The following ATP2B4 variants were observed in gnomAD, a reference collection of about 807,000 sequenced individuals.
ATP2B4 encodes the protein ATPase plasma membrane Ca2+ transporting 4, also known as plasma membrane calcium-transporting ATPase 4.
In ATP2B4, 39 loss-of-function variants were observed where a neutral mutation model predicts 110.3. The ratio of observed to expected loss-of-function variants is 0.35; its 90% CI spans 0.27 to 0.46. The LOEUF (loss-of-function observed/expected upper bound fraction) is 0.46. Ranked by LOEUF, ATP2B4 falls within the 20% of genes least tolerant of loss-of-function variation. The pLI is 1.00. For missense variants in ATP2B4, 1,135 were observed against 1,530.9 expected, an observed-to-expected ratio of 0.74 and a Z score of 4.32; for synonymous variants, 538 against 571.7, an observed-to-expected ratio of 0.94 and a Z score of 0.84.
chr1:203,726,663 A>G (rs932136114), intron 19 of ATP2B4, among the ~76,000 whole-genome samples: 1 of 152,236 alleles, frequency 6.6e-6, no homozygotes, highest in East Asian at 1.9e-4. Flanking sequence ...TTGCCCATAC[A>G]GTCCCTCTTC....
chr1:203,732,749 A>T (rs1415845780), intron 20 of ATP2B4, among the ~76,000 whole-genome samples: 2 of 151,226 alleles, frequency 1.3e-5, no homozygotes, highest in East Asian at 3.9e-4. Context: ...CTGTAGGTGG[A>T]GGTTGCAGTG....
rs751817781 is a variant in ATP2B4, at chr1:203,739,597, C to A, written c.3361C>A (p.Pro1121Thr). Residue 1121 changes from proline (P) to threonine (T), a missense_variant, in exon 21 of 21, where the codon CCC (proline) becomes ACC (threonine). Around this residue, in one of 9 missense-constraint regions of ATP2B4, gnomAD observed 61 missense variants for 123.4 expected, o/e 0.49. Transcript: ENST00000357681. ...TTCCCTCCACGAAAGCATTCAGAAA[C>A]CCTACAACCAAAAGTCCATCCACAG... Reference protein sequence around the residue: ...HSSLHESIQKPYNQKSIHSFM... With the variant: ...HSSLHESIQKTYNQKSIHSFM... 1.9e-6 allele frequency: 3 copies of A among 1,614,134 alleles called. No individual in the cohort carries two copies. The East Asian group carries it at 6.7e-5, about 36-fold the overall frequency.
intron 14 of ATP2B4, 98 bp downstream of exon 14, chr1:203,713,350 T>C: frequency 7.3e-7 from 1 of 1,377,932 alleles, no homozygotes; most frequent in Non-Finnish European, 1.0e-6. Context: ...CCTGTCCAAA[T>C]AGGGAGGTCC....
At chr1:203,661,437 G>A (rs1227655826) in intron 1 of ATP2B4, among the ~76,000 whole-genome samples, 1 of 152,174 alleles carries the variant, frequency 6.6e-6, no homozygotes, top group Non-Finnish European at 1.5e-5. Context: ...TACTAATACA[G>A]AGTGATCAAA....
intron 1 of ATP2B4, among the ~76,000 whole-genome samples, chr1:203,667,653 A>G (rs530689958): frequency 6.6e-6 from 1 of 152,362 alleles, no homozygotes; most frequent in East Asian, 1.9e-4. Flanking sequence ...GCAGGAGCCC[A>G]GTGGAAGAAT....
intron 8 of ATP2B4, among the ~76,000 whole-genome samples, chr1:203,704,465 G>GTTT (rs1412958938): frequency 3.8e-5 from 4 of 104,488 alleles, no homozygotes; most frequent in African/African-American, 1.7e-4. Flanking sequence ...TCAAGGAACA[G>GTTT]TCTTTTTTTT....
chr1:203,724,516 CAAAAAGAAAAA>C (rs1361107389), intron 19 of ATP2B4, among the ~76,000 whole-genome samples: 1 of 139,006 alleles, frequency 7.2e-6, no homozygotes, highest in African/African-American at 2.7e-5. Context: ...GACTCAGTGT[CAAAAAGAAAAA>C]AAAAAGAAAA....
At chr1:203,672,315 G>A (rs1664689288) in intron 1 of ATP2B4, among the ~76,000 whole-genome samples, 1 of 126,384 alleles carries the variant, frequency 7.9e-6, no homozygotes, top group African/African-American at 3.0e-5. Flanking sequence ...TGAGTAAGTT[G>A]CGGTGGCTCT....
intron 1 of ATP2B4, among the ~76,000 whole-genome samples, chr1:203,671,969 AC>A (rs1473694884): frequency 6.6e-6 from 1 of 151,802 alleles, no homozygotes; most frequent in Non-Finnish European, 1.5e-5. Context: ...CTCCCACGAC[AC>A]CTGGTGAATC....
intron 1 of ATP2B4, among the ~76,000 whole-genome samples, chr1:203,661,077 T>C (rs1420201276): frequency 6.6e-6 from 1 of 151,464 alleles, no homozygotes; most frequent in Non-Finnish European, 1.5e-5. Context: ...GCCACTGCAC[T>C]CCAGCCAGAG....
intron 1 of ATP2B4, among the ~76,000 whole-genome samples, chr1:203,647,008 TC>T (rs1393918434): frequency 2.0e-5 from 3 of 152,078 alleles, no homozygotes; most frequent in Non-Finnish European, 4.4e-5. Context: ...AATTTTTTTT[TC>T]CTACCCAATA....
intron 1 of ATP2B4, among the ~76,000 whole-genome samples, chr1:203,665,732 G>A (rs6674735): frequency 0.047 from 7,000 of 149,490 alleles, 287 homozygotes; most frequent in East Asian, 0.18. Flanking sequence ...CCCGGGAGGC[G>A]GAGGTTGCAG....
At chr1:203,653,651 G>T (rs1664064410) in intron 1 of ATP2B4, among the ~76,000 whole-genome samples, 1 of 152,176 alleles carries the variant, frequency 6.6e-6, no homozygotes, top group South Asian at 2.1e-4. Context: ...CACCCCTCAA[G>T]GTTCAAGTGA....
At chr1:203,732,191 A>C in intron 20 of ATP2B4, among the ~76,000 whole-genome samples, 1 of 151,708 alleles carries the variant, frequency 6.6e-6, no homozygotes, top group Non-Finnish European at 1.5e-5. Flanking sequence ...GGAAGGAAGA[A>C]AATGAATGGC....
chr1:203,681,608 T>C (rs79827492), intron 1 of ATP2B4, among the ~76,000 whole-genome samples: 2,206 of 152,182 alleles, frequency 0.014, 41 homozygotes, highest in African/African-American at 0.041. Context: ...ACTCTGAAAC[T>C]GAGAAGGGGC....
intron 13 of ATP2B4, 139 bp downstream of exon 13, chr1:203,712,278 C>A: frequency 2.9e-6 from 3 of 1,041,122 alleles, no homozygotes; most frequent in Non-Finnish European, 4.1e-6. Context: ...CTCCTTGTAC[C>A]AAACTGCTGA....
At chr1:203,679,681 G>A (rs1178226194) in intron 1 of ATP2B4, among the ~76,000 whole-genome samples, 1 of 151,952 alleles carries the variant, frequency 6.6e-6, no homozygotes, top group Non-Finnish European at 1.5e-5. Context: ...TCAAGAGATC[G>A]AGACCATCCT....
chr1:203,662,377 G>A lies in ATP2B4; in HGVS notation c.-464-20365G>A, dbSNP rs568721495. 7.9e-5 allele frequency among the ~76,000 whole-genome samples: 12 copies of A among 152,188 alleles called. No homozygotes were observed. In the South Asian group the frequency reaches 2.5e-3, roughly 32 times the overall value. ...TTCAGTGGTACTAACTACATTCCCA[G>A]TGTAGGTTTCCCATCACCATCATCC... On this transcript the variant is annotated intron_variant, in intron 1 of 20. Transcript: ENST00000357681.
Position 203,739,519 on chromosome 1 carries a change from ATCC to A in ATP2B4, c.3310-22_3310-20del, listed in dbSNP as rs760436176. 39 of 1,591,160 alleles carry A rather than the reference ATCC, an allele frequency of 2.5e-5. No individual in the cohort carries two copies. The African/African-American group carries it at 5.0e-4, about 20-fold the overall frequency. ...CCAATTCTCACCTCTCTATTTTCTC[ATCC>A]TCCTTTTCCTTCCCCTGGTATAGAT... On this transcript the variant is annotated intron_variant, in intron 20 of 20. Coordinates refer to ENST00000357681, the MANE Select transcript of ATP2B4 (RefSeq NM_001684.5).
Sources: allele counts gnomAD v4.1 joint callset (sites outside exome capture counted in the v4.1 genomes callset), GRCh38; gene constraint gnomAD v4.1.1; regional missense constraint gnomAD v4.1.1; transcripts MANE v1.5; gene names NCBI Gene and HGNC (gene_info 2026-07-23, HGNC 2026-07-21).